Variants in DOCK7 observed in about 807,000 individuals in gnomAD.
DOCK7 encodes dedicator of cytokinesis 7.
DOCK7 carries 138 observed loss-of-function variants against 271.0 expected under a neutral mutation model. The observed-to-expected ratio is 0.51, with a 90% CI of 0.44 to 0.59. DOCK7 has a LOEUF of 0.59. DOCK7 is among the 20% of genes least tolerant of loss of function. The probability of loss-of-function intolerance (pLI) is 0.00; values close to 1 mark genes in which losing one functional copy is unlikely to be tolerated. For synonymous variants in DOCK7, 823 were observed against 876.1 expected, an observed-to-expected ratio of 0.94 and a Z score of 1.07; for missense variants, 2,066 against 2,592.4, an observed-to-expected ratio of 0.80 and a Z score of 4.41.
chr1:62,636,639 A>C, intron 7 of DOCK7, 36 bp from the exon 8 acceptor site: 1 of 1,506,386 alleles, frequency 6.6e-7, no homozygotes, highest in Non-Finnish European at 9.1e-7. Context: ...ATTTAAAGAT[A>C]AACATGAAAT....
At chr1:62,470,978 C>G (rs559181671) in intron 48 of DOCK7, among the ~76,000 whole-genome samples, 1 of 152,254 alleles carries the variant, frequency 6.6e-6, no homozygotes, top group Non-Finnish European at 1.5e-5. Flanking sequence ...AAGATCAACC[C>G]CACTTCTTTA....
intron 1 of DOCK7, among the ~76,000 whole-genome samples, chr1:62,683,580 C>A (rs1661400175): frequency 6.6e-6 from 1 of 152,146 alleles, no homozygotes; most frequent in African/African-American, 2.4e-5. Context: ...GGGATAGTAG[C>A]AGTGACACTG....
intron 41 of DOCK7, among the ~76,000 whole-genome samples, chr1:62,490,060 C>G (rs1405441536): frequency 1.6e-5 from 2 of 126,156 alleles, no homozygotes; most frequent in African/African-American, 5.9e-5. Flanking sequence ...ATCCCTTATC[C>G]TTTTTTTTTT....
chr1:62,608,469 C>A (rs1651323306), intron 14 of DOCK7: 1 of 152,194 alleles, frequency 6.6e-6, no homozygotes, highest in Non-Finnish European at 1.5e-5. Flanking sequence ...TATCTCAATT[C>A]TTCCACAAAT....
At chr1:62,518,699 C>G (rs1262745346) in intron 31 of DOCK7, among the ~76,000 whole-genome samples, 1 of 151,914 alleles carries the variant, frequency 6.6e-6, no homozygotes, top group Non-Finnish European at 1.5e-5. Flanking sequence ...AAGACTGCAC[C>G]ACTGCACTCC....
chr1:62,558,965 C>G, intron 20 of DOCK7, 24 bp downstream of exon 20: 1 of 1,551,610 alleles, frequency 6.4e-7, no homozygotes, highest in Non-Finnish European at 8.8e-7. Context: ...TTTCACGTCT[C>G]ATCCCCAAAC....
intron 1 of DOCK7, among the ~76,000 whole-genome samples, chr1:62,669,586 T>C (rs1301144482): frequency 6.6e-6 from 1 of 152,262 alleles, no homozygotes; most frequent in Non-Finnish European, 1.5e-5. Context: ...GTGGCATTTT[T>C]CTATCTCATT....
intron 49 of DOCK7, among the ~76,000 whole-genome samples, chr1:62,457,125 T>C (rs900872002): frequency 5.9e-5 from 9 of 152,230 alleles, no homozygotes; most frequent in Non-Finnish European, 1.0e-4. Context: ...GCTTAAATAA[T>C]AGAACTAGGA....
chr1:62,672,065 GA>G (rs1452850801), intron 1 of DOCK7, among the ~76,000 whole-genome samples: 5 of 151,506 alleles, frequency 3.3e-5, no homozygotes, highest in African/African-American at 9.7e-5. Context: ...ACTTCACAAA[GA>G]GGTGAAAATA....
chr1:62,620,273 T>C (rs1431484860), intron 12 of DOCK7, among the ~76,000 whole-genome samples: 1 of 151,330 alleles, frequency 6.6e-6, no homozygotes, highest in Non-Finnish European at 1.5e-5. Context: ...CAAGATCACA[T>C]CACTGCACTC....
At position 62,579,102 on chromosome 1, in the gene DOCK7, C is replaced by A. The variant is rs966777319; in HGVS notation, c.1872-136G>T. 9 of 839,818 alleles carry A rather than the reference C, an allele frequency of 1.1e-5. No homozygotes were observed. In the Admixed American group the frequency reaches 1.9e-4, roughly 18 times the overall value. The allele number at this position is 839,818 out of a possible 1,614,324, so 52.0% of individuals were successfully genotyped here. ...TCTAGTCCAAAATATTTTTCTTTAT[C>A]CCCAATCTCTAAATAACTAAATCTT... On this transcript the variant is annotated intron_variant, in intron 16 of 49. Coordinates refer to ENST00000635253, the MANE Select transcript of DOCK7 (RefSeq NM_001367561.1).
chr1:62,556,449 A>G (rs1334296735), intron 20 of DOCK7, among the ~76,000 whole-genome samples: 7 of 152,096 alleles, frequency 4.6e-5, no homozygotes, highest in African/African-American at 1.7e-4. Context: ...ATTGAAAATA[A>G]TAACAGTATA....
chr1:62,676,130 C>T (rs1215739791), intron 1 of DOCK7, among the ~76,000 whole-genome samples: 1 of 152,092 alleles, frequency 6.6e-6, no homozygotes, highest in Admixed American at 6.5e-5. Flanking sequence ...GTAGAAACAA[C>T]GTAAATGTCC....
chr1:62,618,926 T>G (rs981342049), intron 13 of DOCK7, 58 bp from the exon 14 acceptor site: 1 of 1,510,974 alleles, frequency 6.6e-7, no homozygotes, highest in African/African-American at 1.4e-5. Context: ...ACGTTAAACA[T>G]GTTTTTTAAA....
At chr1:62,523,816 G>A (rs981027811) in intron 31 of DOCK7, among the ~76,000 whole-genome samples, 4 of 152,076 alleles carry the variant, frequency 2.6e-5, no homozygotes, top group Admixed American at 2.0e-4. Flanking sequence ...GCAGTGAGCC[G>A]AGATTGTGCC....
intron 14 of DOCK7, chr1:62,598,160 T>C (rs1649569289): frequency 8.9e-7 from 1 of 1,122,432 alleles, no homozygotes; most frequent in Non-Finnish European, 1.2e-6. Flanking sequence ...TTTGTTGCAT[T>C]GTTGAAATAC....
chr1:62,496,248 C>T, intron 38 of DOCK7, 91 bp downstream of exon 38: 1 of 1,476,766 alleles, frequency 6.8e-7, no homozygotes, highest in Admixed American at 1.9e-5. Context: ...AATGATCCTC[C>T]AGCAAAAATC....
chr1:62,527,340 A>G (rs1221906969), intron 31 of DOCK7, among the ~76,000 whole-genome samples: 1 of 152,170 alleles, frequency 6.6e-6, no homozygotes, highest in Non-Finnish European at 1.5e-5. Flanking sequence ...AAAGAATAAA[A>G]CAGGTTTAAA....
intron 1 of DOCK7, among the ~76,000 whole-genome samples, chr1:62,678,675 T>C (rs940032734): frequency 6.6e-6 from 1 of 152,102 alleles, no homozygotes; most frequent in Non-Finnish European, 1.5e-5. Flanking sequence ...TACGTGGAAA[T>C]TCAAAGGGCT....
Sources: gnomAD v4.1 joint callset for allele counts (sites outside exome capture counted in the v4.1 genomes callset) on GRCh38, gnomAD v4.1.1 for gene constraint, MANE v1.5 for transcripts, NCBI Gene and HGNC (gene_info 2026-07-23, HGNC 2026-07-21) for gene names.